MAP7D2: variants seen among roughly 807,000 people sequenced by gnomAD.
MAP7D2 encodes MAP7 domain containing 2, also known as MAP7 domain-containing protein 2.
In MAP7D2, 33 loss-of-function variants were observed where a neutral mutation model predicts 63.5. The observed-to-expected ratio is 0.52, with a 90% CI of 0.39 to 0.70. The LOEUF is 0.70. Among genes scored for constraint, MAP7D2 ranks in the 30% least tolerant of loss-of-function variants. The pLI is 0.00. For missense variants in MAP7D2, 626 were observed against 604.0 expected (o/e 1.04, Z -0.38); for synonymous variants, 224 against 223.7 (o/e 1.00, Z -0.01).
intron 1 of MAP7D2, among the ~76,000 whole-genome samples, chrX:20,090,395 A>G (rs2066039008): frequency 9.1e-6 from 1 of 109,382 alleles, no homozygotes; most frequent in Non-Finnish European, 1.9e-5. Context: ...AATGTGAACA[A>G]ACACTTCACA....
intron 3 of MAP7D2, among the ~76,000 whole-genome samples, chrX:20,059,370 C>T (rs2065140447): frequency 9.0e-6 from 1 of 111,683 alleles, no homozygotes; most frequent in African/African-American, 3.3e-5. Context: ...CAAGCAAGAG[C>T]CACTGGTTAG....
intron 1 of MAP7D2, among the ~76,000 whole-genome samples, chrX:20,089,473 T>C (rs1032220082): frequency 2.1e-4 from 24 of 112,390 alleles, no homozygotes; most frequent in African/African-American, 7.8e-4. Context: ...AGTTTGTGTA[T>C]TCTCAATAGC....
At chrX:20,021,476 C>G (rs2073639426) in intron 10 of MAP7D2, 1 of 112,177 alleles carries the variant, frequency 8.9e-6, no homozygotes, top group African/African-American at 3.2e-5. Flanking sequence ...CCGCTGTGTT[C>G]CAGCCCCAGG....
chrX:20,054,771 G>A (rs188134692), intron 4 of MAP7D2, among the ~76,000 whole-genome samples: 1,402 of 110,790 alleles, frequency 0.013, 25 homozygotes, highest in African/African-American at 0.043. Flanking sequence ...TAGTAGAGGC[G>A]GGGTTTTACC....
At chrX:20,084,717 C>T (rs1416758494) in intron 1 of MAP7D2, among the ~76,000 whole-genome samples, 2 of 109,828 alleles carry the variant, frequency 1.8e-5, no homozygotes, top group Admixed American at 9.8e-5. Flanking sequence ...TACAGGTGCG[C>T]ACCACCACGC....
At chrX:20,100,601 G>C (rs994144179) in intron 1 of MAP7D2, among the ~76,000 whole-genome samples, 7 of 104,861 alleles carry the variant, frequency 6.7e-5, no homozygotes, top group Non-Finnish European at 1.4e-4. Context: ...AGATGTAACA[G>C]TGGAAGTAGA....
rs765329236 is a variant in MAP7D2, at chrX:20,047,823, A to AAAAT, written c.718+2997_718+3000dup. On this transcript the variant is annotated intron_variant, in intron 6 of 16. Coordinates refer to ENST00000379643, the MANE Select transcript of MAP7D2 (RefSeq NM_001168465.2). The stretch of plus-strand genomic sequence containing the variant: ...AGCAACAGAGCAAGACCTTGTCTCC[A>AAAAT]AAATAAATAAATAAATAAATAAATA... Among the ~76,000 whole-genome samples, 588 of 105,403 alleles carry AAAAT rather than the reference A, an allele frequency of 5.6e-3. 5 individuals are homozygous for AAAAT. The highest frequency in any genetic ancestry group is 5.3e-3 in the African/African-American group (148 of 27,972). 91.5% of individuals were successfully genotyped at this position (105,403 alleles called of 115,157 possible). A position where few individuals can be genotyped will look rare whatever the true frequency, so the allele number is the denominator to read the frequency against.
intron 8 of MAP7D2, among the ~76,000 whole-genome samples, chrX:20,027,280 C>T (rs902524916): frequency 1.8e-5 from 2 of 112,559 alleles, no homozygotes; most frequent in Admixed American, 1.9e-4. Context: ...GCCCCACACT[C>T]GGGTTCTCCT....
intron 1 of MAP7D2, among the ~76,000 whole-genome samples, chrX:20,114,244 A>G (rs1265310045): frequency 1.8e-5 from 2 of 112,078 alleles, no homozygotes; most frequent in East Asian, 5.6e-4. Flanking sequence ...TGTTAGCCAG[A>G]CTGGTCTCAA....
At chrX:20,025,274 G>A (rs1004744841) in intron 9 of MAP7D2, among the ~76,000 whole-genome samples, 191 bp from the exon 10 acceptor site, 2 of 112,236 alleles carry the variant, frequency 1.8e-5, no homozygotes, top group African/African-American at 3.2e-5. Flanking sequence ...AACCCTGGAC[G>A]CATTTTACAG....
intron 8 of MAP7D2, among the ~76,000 whole-genome samples, chrX:20,032,837 G>C (rs772622348): frequency 6.3e-4 from 71 of 112,318 alleles, no homozygotes; most frequent in Non-Finnish European, 1.1e-3. Flanking sequence ...CCAATTGAGA[G>C]CATAGTCCTT....
At chrX:20,071,397 A>G (rs2065497841) in intron 1 of MAP7D2, among the ~76,000 whole-genome samples, 1 of 112,440 alleles carries the variant, frequency 8.9e-6, no homozygotes, top group Admixed American at 9.4e-5. Context: ...GTGCATCCAG[A>G]CCTGACAACT....
chrX:20,086,251 T>C (rs903081963), intron 1 of MAP7D2, among the ~76,000 whole-genome samples: 1 of 111,913 alleles, frequency 8.9e-6, no homozygotes, highest in Non-Finnish European at 1.9e-5. Flanking sequence ...CCCAATCCTG[T>C]CTTCCCAGCT....
At chrX:20,087,574 A>G (rs1204315861) in intron 1 of MAP7D2, among the ~76,000 whole-genome samples, 1 of 111,980 alleles carries the variant, frequency 8.9e-6, no homozygotes, top group African/African-American at 3.2e-5. Flanking sequence ...TTATAGCAAC[A>G]CAAACAGACT....
intron 11 of MAP7D2, 32 bp downstream of exon 11, chrX:20,016,062 A>C (rs1235117748): frequency 8.7e-7 from 1 of 1,144,312 alleles, no homozygotes; most frequent in South Asian, 1.9e-5. Context: ...CTTAAAAAAC[A>C]AGTAAAGTCC....
intron 3 of MAP7D2, among the ~76,000 whole-genome samples, chrX:20,060,360 C>T (rs1467423655): frequency 9.4e-6 from 1 of 106,049 alleles, no homozygotes; most frequent in Admixed American, 1.0e-4. Flanking sequence ...GGGACACACC[C>T]CCAGCGGTCC....
chrX:20,072,721 C>A (rs1281803007), intron 1 of MAP7D2, among the ~76,000 whole-genome samples: 1 of 111,634 alleles, frequency 9.0e-6, no homozygotes, highest in Non-Finnish European at 1.9e-5. Context: ...TAATGCTTTA[C>A]CAGCTCTCTA....
intron 10 of MAP7D2, among the ~76,000 whole-genome samples, chrX:20,023,104 C>T (rs1246890208): frequency 8.9e-6 from 1 of 112,338 alleles, no homozygotes; most frequent in Non-Finnish European, 1.9e-5. Flanking sequence ...ATTAGTGCCT[C>T]CCTTGTTCCA....
chrX:20,066,973 C>G (rs762733978), intron 1 of MAP7D2, among the ~76,000 whole-genome samples: 158 of 112,609 alleles, frequency 1.4e-3, no homozygotes, highest in Admixed American at 2.5e-3. Flanking sequence ...GGAAGGGGAA[C>G]AAGCATAGAA....
Sources: allele counts gnomAD v4.1 joint callset (sites outside exome capture counted in the v4.1 genomes callset), GRCh38; gene constraint gnomAD v4.1.1; transcripts MANE v1.5; gene names NCBI Gene and HGNC (gene_info 2026-07-23, HGNC 2026-07-21).